BMPER: variants seen among roughly 807,000 people sequenced by gnomAD.
BMPER encodes BMP-binding endothelial regulator protein.
In BMPER, 45 loss-of-function variants were observed where a neutral mutation model predicts 87.3. That is an observed-to-expected ratio of 0.52 (90% CI 0.41 to 0.66). The LOEUF is 0.66. Among genes scored for constraint, BMPER ranks in the 30% least tolerant of loss-of-function variants. The probability of loss-of-function intolerance (pLI) is 0.00; values close to 1 mark genes in which losing one functional copy is unlikely to be tolerated. For missense variants in BMPER, 784 were observed against 867.5 expected (o/e 0.90, Z 1.21); for synonymous variants, 326 against 316.2 (o/e 1.03, Z -0.33).
At chr7:34,040,927 A>T (rs1458415241) in intron 6 of BMPER, among the ~76,000 whole-genome samples, 1 of 152,210 alleles carries the variant, frequency 6.6e-6, no homozygotes, top group East Asian at 1.9e-4. Context: ...CTAAGTAAGT[A>T]ACAAAAATGT....
chr7:34,088,541 A>G (rs903144141), intron 13 of BMPER, among the ~76,000 whole-genome samples: 1 of 152,198 alleles, frequency 6.6e-6, no homozygotes, highest in Non-Finnish European at 1.5e-5. Flanking sequence ...ACTGAGAATG[A>G]GCCGTGGGGA....
At position 33,941,588 on chromosome 7, in the gene BMPER, A is replaced by G. The variant is rs75951320; in HGVS notation, c.319+4200A>G. The stretch of plus-strand genomic sequence containing the variant: ...GGGAGACAGTGACAGATCTTCACAC[A>G]TTAGATTCTCATAAAGAGTGCACAC... On this transcript the variant is annotated intron_variant, in intron 3 of 14. Coordinates refer to ENST00000649409, the MANE Select transcript of BMPER (RefSeq NM_001365308.1). 1.2e-3 allele frequency among the ~76,000 whole-genome samples: 189 copies of G among 152,284 alleles called. 1 individual carries two copies. The East Asian group carries it at 0.03, about 24-fold the overall frequency.
At chr7:34,023,461 A>G (rs950493126) in intron 6 of BMPER, among the ~76,000 whole-genome samples, 1 of 152,048 alleles carries the variant, frequency 6.6e-6, no homozygotes, top group Non-Finnish European at 1.5e-5. Context: ...TTAGTCATAG[A>G]ATCAGCTCCT....
intron 3 of BMPER, among the ~76,000 whole-genome samples, chr7:33,943,929 T>G (rs1469268542): frequency 1.3e-5 from 2 of 152,190 alleles, no homozygotes; most frequent in African/African-American, 4.8e-5. Context: ...AGAGCCTAAC[T>G]GAGTGCCATC....
chr7:34,151,539 A>G (rs1791176026), intron 14 of BMPER, among the ~76,000 whole-genome samples: 1 of 152,240 alleles, frequency 6.6e-6, no homozygotes, highest in Non-Finnish European at 1.5e-5. Flanking sequence ...AGCCAGGTGT[A>G]GGAATCAATA....
rs559884397 is a variant in BMPER at position 34,155,653 on chromosome 7, G to A, written c.*2380G>A. The A allele has an allele frequency of 1.3e-5, 2 of 152,270 alleles. No homozygotes were observed. Among genetic ancestry groups the A allele is most frequent in the African/African-American group, 4.8e-5 (2 of 41,572 alleles). 9.4% of individuals were successfully genotyped at this position (152,270 alleles called of 1,614,324 possible). ...CAAAGAGCCATCTCTGATGGGAGAG[G>A]GTGAGGAAATCAGCTGAATGGTTGG... On this transcript the variant is annotated 3_prime_UTR_variant, in exon 15 of 15. Transcript: ENST00000649409.
intron 11 of BMPER, among the ~76,000 whole-genome samples, chr7:34,067,649 C>T (rs1052467018): frequency 6.6e-6 from 1 of 152,096 alleles, no homozygotes; most frequent in Non-Finnish European, 1.5e-5. Flanking sequence ...AGGTGTTAAC[C>T]TAAGTGGCCA....
intron 2 of BMPER, chr7:33,921,864 A>G (rs1190530591): frequency 4.2e-6 from 2 of 470,626 alleles, no homozygotes; most frequent in East Asian, 6.9e-5. Context: ...GAGGAACCAG[A>G]CGCAAACAAC....
chr7:34,034,245 T>C (rs1787603855), intron 6 of BMPER, among the ~76,000 whole-genome samples: 1 of 152,180 alleles, frequency 6.6e-6, no homozygotes, highest in African/African-American at 2.4e-5. Context: ...ACTTCTTCTT[T>C]CTGCTTGGCC....
chr7:34,119,971 T>C, intron 13 of BMPER, among the ~76,000 whole-genome samples: 1 of 152,134 alleles, frequency 6.6e-6, no homozygotes, highest in Non-Finnish European at 1.5e-5. Context: ...GTGAAAAAAG[T>C]GATATTAGAA....
intron 13 of BMPER, among the ~76,000 whole-genome samples, chr7:34,104,432 T>C (rs1789766364): frequency 1.3e-5 from 2 of 152,210 alleles, no homozygotes; most frequent in Non-Finnish European, 2.9e-5. Flanking sequence ...GCGAGTTGTG[T>C]TGAACTGAAT....
At chr7:33,963,030 G>A (rs1785310416) in intron 3 of BMPER, among the ~76,000 whole-genome samples, 1 of 152,116 alleles carries the variant, frequency 6.6e-6, no homozygotes, top group Non-Finnish European at 1.5e-5. Context: ...ATTTAGACCT[G>A]GATGTAAAAA....
chr7:34,000,698 G>A (rs1179623169), intron 6 of BMPER, among the ~76,000 whole-genome samples: 1 of 152,042 alleles, frequency 6.6e-6, no homozygotes, highest in Non-Finnish European at 1.5e-5. Flanking sequence ...AGTTTCTGAA[G>A]GTTTGAAACT....
At chr7:34,151,438 GAAAT>G (rs1235986579) in intron 14 of BMPER, among the ~76,000 whole-genome samples, 1 of 152,160 alleles carries the variant, frequency 6.6e-6, no homozygotes, top group Non-Finnish European at 1.5e-5. Flanking sequence ...GTGTAAAGAA[GAAAT>G]AAATAGGGAA....
chr7:33,992,664 C>T (rs4530924), intron 6 of BMPER, among the ~76,000 whole-genome samples: 115,525 of 146,368 alleles, frequency 0.79, 45,730 homozygotes, highest in East Asian at 0.84. Flanking sequence ...GTCATTATGA[C>T]GTTAGCTGGT....
chr7:33,963,530 A>T (rs1354427344), intron 3 of BMPER, among the ~76,000 whole-genome samples: 2 of 152,218 alleles, frequency 1.3e-5, no homozygotes, highest in Admixed American at 6.5e-5. Flanking sequence ...GCGGTGGCTC[A>T]TGCCTGTAAT....
intron 6 of BMPER, among the ~76,000 whole-genome samples, chr7:33,983,668 A>T (rs1785920500): frequency 6.6e-6 from 1 of 152,130 alleles, no homozygotes; most frequent in South Asian, 2.1e-4. Flanking sequence ...GAAGCCATAA[A>T]CTGCCTGATT....
intron 2 of BMPER, among the ~76,000 whole-genome samples, chr7:33,910,333 T>G (rs1003569486): frequency 2.0e-5 from 3 of 152,242 alleles, no homozygotes; most frequent in Admixed American, 1.3e-4. Flanking sequence ...CGTTGGTGCC[T>G]GCCCTGGAGT....
intron 13 of BMPER, among the ~76,000 whole-genome samples, chr7:34,097,059 G>A (rs1789549210): frequency 6.6e-6 from 1 of 152,222 alleles, no homozygotes; most frequent in African/African-American, 2.4e-5. Context: ...AGAGAGGGTT[G>A]TGTTTTCTGA....
Sources: allele counts gnomAD v4.1 joint callset (sites outside exome capture counted in the v4.1 genomes callset), GRCh38; gene constraint gnomAD v4.1.1; transcripts MANE v1.5; gene names NCBI Gene and HGNC (gene_info 2026-07-23, HGNC 2026-07-21).